Variants in NEK3 observed in about 807,000 individuals in gnomAD.
NEK3 encodes serine/threonine-protein kinase Nek3.
A neutral mutation model predicts 66.0 loss-of-function variants in NEK3; 54 were observed. The observed-to-expected ratio is 0.82, with a 90% CI of 0.66 to 1.03. The LOEUF (loss-of-function observed/expected upper bound fraction) is 1.03. Among genes scored for constraint, NEK3 ranks in the 50% least tolerant of loss-of-function variants. The pLI is 0.00. For synonymous variants in NEK3, 200 were observed against 206.2 expected, an observed-to-expected ratio of 0.97 and a Z score of 0.26; for missense variants, 593 against 603.0, an observed-to-expected ratio of 0.98 and a Z score of 0.17.
intron 8 of NEK3, chr13:52,148,193 G>C (rs1956310098): frequency 2.6e-6 from 1 of 387,804 alleles, no homozygotes; most frequent in East Asian, 3.7e-5. Flanking sequence ...GAAAGAAAGA[G>C]AGAGAAAGGT....
intron 7 of NEK3, 46 bp downstream of exon 7, chr13:52,151,100 G>A: frequency 6.9e-7 from 1 of 1,459,512 alleles, no homozygotes; most frequent in Non-Finnish European, 9.5e-7. Context: ...AGGCTAAAAT[G>A]CCTGTCACCA....
chr13:52,140,049 C>CAAA (rs34051162), intron 11 of NEK3, among the ~76,000 whole-genome samples: 3,437 of 86,586 alleles, frequency 0.04, 91 homozygotes, highest in South Asian at 0.064. Flanking sequence ...AAAAAAATGC[C>CAAA]AAAAAAAAAA....
chr13:52,139,045 C>T (rs2138192639), intron 11 of NEK3, among the ~76,000 whole-genome samples: 2 of 152,278 alleles, frequency 1.3e-5, no homozygotes, highest in Admixed American at 6.5e-5. Flanking sequence ...TGTTAATATC[C>T]ACAGCTTTAG....
chr13:52,136,828 T>C lies in NEK3; in HGVS notation c.1002A>G (p.Ala334=), dbSNP rs1374548130. 6.4e-7 allele frequency: 1 copy of C among 1,567,504 alleles called. No homozygotes were observed. Among genetic ancestry groups the C allele is most frequent in the South Asian group, 1.2e-5 (1 of 85,192 alleles). Residue 334 remains alanine (A), a synonymous_variant, in exon 12 of 16, where the codon GCA becomes GCG. Coordinates refer to ENST00000610828, the MANE Select transcript of NEK3 (RefSeq NM_002498.3). The part of the protein sequence containing the change: ...ESINENLVES[A]LRRVNREEKG... ...TTTCTTCTCTGTTTACTCTTCTCAATGCACTTTCAACTAAATTTTCATTAA... is the reference window on the plus strand; with the variant it reads ...TTTCTTCTCTGTTTACTCTTCTCAACGCACTTTCAACTAAATTTTCATTAA...
chr13:52,152,403 C>T (rs1956355332), intron 5 of NEK3, among the ~76,000 whole-genome samples: 1 of 151,996 alleles, frequency 6.6e-6, no homozygotes, highest in South Asian at 2.1e-4. Flanking sequence ...ATATATAACA[C>T]GTTGTACGTC....
intron 14 of NEK3, 45 bp from the exon 15 acceptor site, chr13:52,133,860 T>C (rs73500176): frequency 0.041 from 62,810 of 1,548,948 alleles, 1,450 homozygotes; most frequent in Middle Eastern, 0.085. Context: ...AAACAGTATT[T>C]ACTTATTTCA....
At position 52,146,983 on chromosome 13, in the gene NEK3, T is replaced by C. The variant is rs536795380; in HGVS notation, c.603+1432A>G. Among the ~76,000 whole-genome samples the C allele has an allele frequency of 5.3e-5, 8 of 152,334 alleles. No individual in the cohort carries two copies. In the South Asian group the frequency reaches 1.7e-3, roughly 32 times the overall value. On this transcript the variant is annotated intron_variant, in intron 8 of 15. Transcript: ENST00000610828. ...TTTATTTCTATGCAAAGCTAAGAACTAATAGGAATTGGCCCTGCAGTTGTT... is the reference window on the plus strand; with the variant it reads ...TTTATTTCTATGCAAAGCTAAGAACCAATAGGAATTGGCCCTGCAGTTGTT...
chr13:52,133,052 A>T lies in NEK3; in HGVS notation c.*90T>A. 1 of 1,027,338 alleles carries T rather than the reference A, an allele frequency of 9.7e-7. No individual in the cohort carries two copies. Among genetic ancestry groups the T allele is most frequent in the African/African-American group, 1.6e-5 (1 of 62,882 alleles). 63.6% of individuals were successfully genotyped at this position (1,027,338 alleles called of 1,614,324 possible). On this transcript the variant is annotated 3_prime_UTR_variant, in exon 16 of 16. Transcript: ENST00000610828. ...CTGCTTCATTCTGTTTCCAAAGGAA[A>T]ATATACGTCGCATGAACTCATGATC...
chr13:52,145,367 A>T (rs1956285542), intron 8 of NEK3, among the ~76,000 whole-genome samples: 1 of 152,200 alleles, frequency 6.6e-6, no homozygotes, highest in Non-Finnish European at 1.5e-5. Flanking sequence ...GTGATGGTGC[A>T]ATCACAGCTC....
In NEK3 at chr13:52,148,609, G is replaced by A. The variant is rs145009101; in HGVS notation, c.549-140C>T. On this transcript the variant is annotated intron_variant, in intron 7 of 15. Coordinates refer to ENST00000610828, the MANE Select transcript of NEK3 (RefSeq NM_002498.3). ...ACATATAATGTTGGTCTAACACCTA[G>A]ATACTTCCTAAGAGTAGTGTTCACA... 434 of 668,842 alleles carry A rather than the reference G, an allele frequency of 6.5e-4. 4 individuals are homozygous for A. In the African/African-American group the frequency reaches 6.9e-3, roughly 11 times the overall value. The allele number at this position is 668,842 out of a possible 1,614,324, so 41.4% of individuals were successfully genotyped here. A position where few individuals can be genotyped will look rare whatever the true frequency, so the allele number is the denominator to read the frequency against.
chr13:52,154,081 T>G lies in NEK3; in HGVS notation c.210A>C (p.Glu70Asp). The stretch of plus-strand genomic sequence containing the variant: ...ATATCTGGGGGAATTCGTATTTACC[T>G]TCAAATGATTCTTTGAAGGCAACAA... Reference protein sequence around the residue: ...PNIVAFKESFEAEGHLYIVME... With the variant: ...PNIVAFKESFDAEGHLYIVME... The change falls in exon 3 of 16, where the codon GAA (glutamate) becomes GAC (aspartate). Residue 70 changes from glutamate (E) to aspartate (D), a missense_variant and splice_region_variant. Physicochemically the swap from Glu to Asp is conservative, Grantham distance 45. Transcript: ENST00000610828. The G allele has an allele frequency of 6.2e-7, 1 of 1,610,496 alleles. No individual in the cohort carries two copies.
Position 52,133,347 on chromosome 13 carries a change from C to T in NEK3, c.1437-121G>A, listed in dbSNP as rs531636778. 19 of 815,566 alleles carry T rather than the reference C, an allele frequency of 2.3e-5. No homozygotes were observed. The South Asian group carries it at 2.6e-4, about 11-fold the overall frequency. The allele number at this position is 815,566 out of a possible 1,614,324, so 50.5% of individuals were successfully genotyped here. A position where few individuals can be genotyped will look rare whatever the true frequency, so the allele number is the denominator to read the frequency against. ...CTTTTGAAAATTGAGTTCCATAAGG[C>T]AACTGAAGGGAAAAAATTGCCAGTT... On this transcript the variant is annotated intron_variant, in intron 15 of 15. Transcript: ENST00000610828.
chr13:52,144,395 G>A (rs564374587), intron 9 of NEK3, among the ~76,000 whole-genome samples: 9 of 152,186 alleles, frequency 5.9e-5, no homozygotes, highest in African/African-American at 1.9e-4. Context: ...CAGCCTGGGC[G>A]ACAGAGCGAG....
intron 7 of NEK3, among the ~76,000 whole-genome samples, chr13:52,148,882 C>G (rs1268746666): frequency 6.6e-6 from 1 of 151,982 alleles, no homozygotes; most frequent in Non-Finnish European, 1.5e-5. Context: ...CTGGATGGCT[C>G]TAAGGGATAG....
At chr13:52,141,131 C>T (rs1166548128) in intron 10 of NEK3, 62 bp from the exon 11 acceptor site, 8 of 1,445,500 alleles carry the variant, frequency 5.5e-6, no homozygotes, top group Non-Finnish European at 7.5e-6. Flanking sequence ...CTATTAAGTT[C>T]CTAATATGAT....
At chr13:52,134,939 C>T (rs1336433604) in intron 14 of NEK3, among the ~76,000 whole-genome samples, 3 of 152,134 alleles carry the variant, frequency 2.0e-5, no homozygotes, top group Admixed American at 2.0e-4. Flanking sequence ...TTTATCTTAA[C>T]CTTTGTTAGG....
chr13:52,133,502 T>C (rs1212487407), intron 15 of NEK3, among the ~76,000 whole-genome samples, 187 bp downstream of exon 15: 1 of 152,008 alleles, frequency 6.6e-6, no homozygotes, highest in Non-Finnish European at 1.5e-5. Context: ...TATAATCATA[T>C]TGTAAGGCAT....
chr13:52,135,996 G>A (rs1316654796), intron 13 of NEK3, 120 bp downstream of exon 13: 3 of 1,492,446 alleles, frequency 2.0e-6, no homozygotes, highest in Non-Finnish European at 2.7e-6. Context: ...ACCTGTATGA[G>A]CAATGCTCTG....
Position 52,156,133 on chromosome 13 carries a change from A to T in NEK3, c.59T>A (p.Leu20Ter). The T allele has an allele frequency of 6.2e-7, 1 of 1,608,280 alleles. No homozygotes were observed. The highest frequency in any genetic ancestry group is 1.1e-5 in the South Asian group (1 of 89,482). Reference sequence around the variant, plus strand: ...CTGATTACTGCTTTCATGCTGAACCAAAAGAGCTCTGCCGAAGGAGCCCTC... The same window carrying T: ...CTGATTACTGCTTTCATGCTGAACCTAAAGAGCTCTGCCGAAGGAGCCCTC... Reference protein sequence around the residue: ...IGEGSFGRALLVQHESSNQMF... With the variant: ...IGEGSFGRAL The change falls in exon 2 of 16, where the codon TTG becomes TAG. Residue 20 changes from leucine (L) to a stop codon, truncating the protein, a stop_gained. Transcript: ENST00000610828. LOFTEE classifies it high-confidence loss of function.
Sources: gnomAD v4.1 joint callset for allele counts (sites outside exome capture counted in the v4.1 genomes callset) on GRCh38, gnomAD v4.1.1 for gene constraint, MANE v1.5 for transcripts, NCBI Gene and HGNC (gene_info 2026-07-23, HGNC 2026-07-21) for gene names.